FAM131A: variants seen among roughly 807,000 people sequenced by gnomAD.
The protein encoded by FAM131A is family with sequence similarity 131 member A.
In FAM131A, 24 loss-of-function variants were observed where a neutral mutation model predicts 39.2. The ratio of observed to expected loss-of-function variants is 0.61; its 90% CI spans 0.44 to 0.86. FAM131A has a LOEUF of 0.86. FAM131A is among the 40% of genes least tolerant of loss of function. FAM131A has a pLI of 0.00. For synonymous variants in FAM131A, 202 were observed against 206.8 expected (o/e 0.98, Z 0.20); for missense variants, 373 against 481.2 (o/e 0.78, Z 2.10).
rs762655437 is a variant in FAM131A at position 184,344,691 on chromosome 3, G to C, written c.822G>C (p.Gln274His). 1.8e-5 allele frequency: 29 copies of C among 1,612,290 alleles called. No homozygotes were observed. Among genetic ancestry groups the C allele is most frequent in the South Asian group, 4.4e-5 (4 of 91,016 alleles). ...LLGSPARLAS[Q>H]LLGDELLLAK... ...GCTCCCCGGCCCGGCTGGCCTCCCA[G>C]CTGCTGGGCGATGAGCTGCTTCTCG... Residue 274 changes from glutamine to histidine, a missense_variant, in exon 6 of 6, where the codon CAG (glutamine) becomes CAC (histidine). Gln to His is a conservative substitution (Grantham distance 24, BLOSUM62 0). Around this residue, in one of 2 missense-constraint regions of FAM131A, gnomAD observed 152 missense variants for 133.5 expected, o/e 1.14. Transcript: ENST00000383847.
In FAM131A at chr3:184,344,927, T is replaced by C. The variant is rs746829651; in HGVS notation, c.1058T>C (p.Val353Ala). Residue 353 changes from valine (V) to alanine (A), a missense_variant, in exon 6 of 6, where the codon GTG becomes GCG. Val to Ala is a moderately conservative substitution (Grantham distance 64). Transcript: ENST00000383847. ...RQASDLASSG[V>A]VSLDEDEAEP... ...GCCTCTGACCTGGCCTCTTCTGGGG[T>C]GGTGTCCTTAGATGAGGATGAGGCA... 14 of 1,601,118 alleles carry C rather than the reference T, an allele frequency of 8.7e-6. No individual in the cohort carries two copies. The highest frequency in any genetic ancestry group is 1.1e-5 in the Non-Finnish European group (13 of 1,177,776).
Position 184,344,930 on chromosome 3 carries a change from T to C in FAM131A, c.1061T>C (p.Val354Ala), listed in dbSNP as rs1577293615. 1 of 1,597,928 alleles carries C rather than the reference T, an allele frequency of 6.3e-7. No homozygotes were observed. ...TCTGACCTGGCCTCTTCTGGGGTGGTGTCCTTAGATGAGGATGAGGCAGAG... is the reference window on the plus strand; with the variant it reads ...TCTGACCTGGCCTCTTCTGGGGTGGCGTCCTTAGATGAGGATGAGGCAGAG... ...QASDLASSGV[V>A]SLDEDEAEPE... Residue 354 changes from valine (V) to alanine (A), a missense_variant, in exon 6 of 6, where the codon GTG becomes GCG. Coordinates refer to ENST00000383847, the MANE Select transcript of FAM131A (RefSeq NM_144635.5).
rs985630974 is a variant in FAM131A at position 184,345,740 on chromosome 3, G to T, written c.*770G>T. ...GTGTGCTGGCGCCTCACAGCCAGCCGGGCTGCCCATTCACGCAGAGCTCTC... is the reference window on the plus strand; with the variant it reads ...GTGTGCTGGCGCCTCACAGCCAGCCTGGCTGCCCATTCACGCAGAGCTCTC... On this transcript the variant is annotated 3_prime_UTR_variant, in exon 6 of 6. Coordinates refer to ENST00000383847, the MANE Select transcript of FAM131A (RefSeq NM_144635.5). 1 of 596,318 alleles carries T rather than the reference G, an allele frequency of 1.7e-6. No individual in the cohort carries two copies. Among genetic ancestry groups the T allele is most frequent in the Non-Finnish European group, 3.0e-6 (1 of 337,810 alleles). The allele number at this position is 596,318 out of a possible 1,614,324, so 36.9% of individuals were successfully genotyped here.
chr3:184,341,117 TTTG>T, intron 2 of FAM131A: 1 of 156,560 alleles, frequency 6.4e-6, no homozygotes, highest in South Asian at 1.9e-4. Context: ...GAGCAGGGAC[TTTG>T]CAGGTGGAAT....
At position 184,342,973 on chromosome 3, in the gene FAM131A, G is replaced by C. The variant is rs9682844; in HGVS notation, c.625+113G>C. ...CTTTGCAAGGGGAGGGAGAGGGACA[G>C]ACTCAGTCCAGGCAGGCCTGGACAC... On this transcript the variant is annotated intron_variant, in intron 5 of 5. Coordinates refer to ENST00000383847, the MANE Select transcript of FAM131A (RefSeq NM_144635.5). This position sits in a 1 kb window ranked among gnomAD's most constrained non-coding sequence, Gnocchi z 4.6. 6.5e-6 allele frequency: 6 copies of C among 925,504 alleles called. No individual in the cohort carries two copies. Among genetic ancestry groups the C allele is most frequent in the Non-Finnish European group, 1.0e-5 (6 of 579,940 alleles). 57.3% of individuals were successfully genotyped at this position (925,504 alleles called of 1,614,324 possible).
At position 184,342,614 on chromosome 3, in the gene FAM131A, TTTC is replaced by T. The variant is rs1727435405; in HGVS notation, c.509-127_509-125del. 2.4e-6 allele frequency: 2 copies of T among 820,306 alleles called. No homozygotes were observed. The highest frequency in any genetic ancestry group is 2.6e-5 in the Admixed American group (1 of 38,916). 50.8% of individuals were successfully genotyped at this position (820,306 alleles called of 1,614,324 possible). On this transcript the variant is annotated intron_variant, in intron 4 of 5. Transcript: ENST00000383847. This position sits in a 1 kb window ranked among gnomAD's most constrained non-coding sequence, Gnocchi z 4.6. ...AGCCACCACACCCGGCCAGGGCTGC[TTTC>T]TTATCTCCTCGGGTCTGACATGGGG...
At chr3:184,343,498 T>C (rs1342175845) in intron 5 of FAM131A, among the ~76,000 whole-genome samples, 1 of 152,240 alleles carries the variant, frequency 6.6e-6, no homozygotes, top group Non-Finnish European at 1.5e-5. Flanking sequence ...CTGTAGCTTC[T>C]GGGCTCAAGT....
chr3:184,337,970 A>G (rs1223854350), intron 1 of FAM131A, among the ~76,000 whole-genome samples: 13 of 152,150 alleles, frequency 8.5e-5, no homozygotes. Flanking sequence ...GGCGAGAGGA[A>G]AGAAGGCAGC....
rs755411212 is a variant in FAM131A at position 184,341,742 on chromosome 3, G to A, written c.250G>A (p.Val84Ile). 4 of 1,609,382 alleles carry A rather than the reference G, an allele frequency of 2.5e-6. No homozygotes were observed. Among genetic ancestry groups the A allele is most frequent in the East Asian group, 2.2e-5 (1 of 44,878 alleles). Residue 84 changes from valine (V) to isoleucine (I), a missense_variant, in exon 3 of 6, where the codon GTC becomes ATC. This residue lies in a region of FAM131A where 221 missense variants were observed against 347.7 expected (regional missense o/e 0.64). Transcript: ENST00000383847. ...ACCCAAGGTGAATGTTGGAGACACA[G>A]TCGCGATGCTGCCCAAGTCCCGGCG... The part of the protein sequence containing the change: ...DLPEVNVGDT[V>I]AMLPKSRRAL...
In FAM131A at chr3:184,338,379, C is replaced by A. The variant is rs1411931713; in HGVS notation, c.89-8C>A. ...GCACAGCTCAACAGCCTTTCCCCTT[C>A]CTCTCAGTGTCCTCGGACCCCGCTT... On this transcript the variant is annotated splice_region_variant and splice_polypyrimidine_tract_variant and intron_variant, in intron 1 of 5. Transcript: ENST00000383847. 1 of 1,432,874 alleles carries A rather than the reference C, an allele frequency of 7.0e-7. No individual in the cohort carries two copies. Among genetic ancestry groups the A allele is most frequent in the African/African-American group, 1.5e-5 (1 of 68,954 alleles). The allele number at this position is 1,432,874 out of a possible 1,614,324, so 88.8% of individuals were successfully genotyped here. A position where few individuals can be genotyped will look rare whatever the true frequency, so the allele number is the denominator to read the frequency against.
chr3:184,340,234 G>C (rs181612830), intron 2 of FAM131A: 1 of 148,808 alleles, frequency 6.7e-6, no homozygotes, highest in African/African-American at 2.5e-5. Context: ...GACCTCAGAT[G>C]ATCTACCCAC....
rs565303906 is a variant in FAM131A at position 184,343,378 on chromosome 3, C to G, written c.625+518C>G. Among the ~76,000 whole-genome samples, 29 of 152,326 alleles carry G rather than the reference C, an allele frequency of 1.9e-4. No individual in the cohort carries two copies. The South Asian group carries it at 6.0e-3, about 32-fold the overall frequency. On this transcript the variant is annotated intron_variant, in intron 5 of 5. Transcript: ENST00000383847. ...AACTCAGCATCCTTGCATTCCAGCC[C>G]GTGGGCCTTTCTCTGGGCCAGTGCT...
At position 184,345,105 on chromosome 3, in the gene FAM131A, T is replaced by C. The variant is rs922699349; in HGVS notation, c.*135T>C. The stretch of plus-strand genomic sequence containing the variant: ...GCTCCTGGGAGCGCTCGCTTCTCCG[T>C]TGTGTGTTTTGCATGAAAGTGTTTG... On this transcript the variant is annotated 3_prime_UTR_variant, in exon 6 of 6. Transcript: ENST00000383847. 6 of 838,424 alleles carry C rather than the reference T, an allele frequency of 7.2e-6. No homozygotes were observed. Among genetic ancestry groups the C allele is most frequent in the African/African-American group, 1.7e-5 (1 of 58,280 alleles). 51.9% of individuals were successfully genotyped at this position (838,424 alleles called of 1,614,324 possible). A position where few individuals can be genotyped will look rare whatever the true frequency, so the allele number is the denominator to read the frequency against.
rs751229762 is a variant in FAM131A at position 184,342,293 on chromosome 3, GCTTT to G, written c.508+54_508+57del. On this transcript the variant is annotated intron_variant, in intron 4 of 5. Transcript: ENST00000383847. This position sits in a 1 kb window ranked among gnomAD's most constrained non-coding sequence, Gnocchi z 4.6. Reference sequence around the variant, plus strand: ...TAAGCTACACTCTTGGCACAGGGCTGCTTTCTTTCTTTATTTTATTTAATTTTTT... The same window carrying G: ...TAAGCTACACTCTTGGCACAGGGCTGCTTTCTTTATTTTATTTAATTTTTT... The G allele has an allele frequency of 8.4e-5, 128 of 1,518,684 alleles. No homozygotes were observed. Among genetic ancestry groups the G allele is most frequent in the African/African-American group, 5.0e-4 (36 of 71,728 alleles). The allele number at this position is 1,518,684 out of a possible 1,614,324, so 94.1% of individuals were successfully genotyped here. A position where few individuals can be genotyped will look rare whatever the true frequency, so the allele number is the denominator to read the frequency against.
chr3:184,338,697 G>T, intron 2 of FAM131A, 168 bp downstream of exon 2: 1 of 813,442 alleles, frequency 1.2e-6, no homozygotes, highest in Non-Finnish European at 1.8e-6. Context: ...TGCTCTGCTC[G>T]GCGCTGTGCC....
At chr3:184,338,685 T>TAGGCCGC in intron 2 of FAM131A, 156 bp downstream of exon 2, 1 of 906,642 alleles carries the variant, frequency 1.1e-6, no homozygotes, top group African/African-American at 1.7e-5. Context: ...CCCGTGCCGG[T>TAGGCCGC]CTGCTCTGCT....
Position 184,346,187 on chromosome 3 carries a change from C to T in FAM131A, c.*1217C>T, listed in dbSNP as rs891380700. 2 of 203,734 alleles carry T rather than the reference C, an allele frequency of 9.8e-6. No homozygotes were observed. The highest frequency in any genetic ancestry group is 2.0e-5 in the Non-Finnish European group (2 of 98,542). 12.6% of individuals were successfully genotyped at this position (203,734 alleles called of 1,614,324 possible). On this transcript the variant is annotated 3_prime_UTR_variant, in exon 6 of 6. Coordinates refer to ENST00000383847, the MANE Select transcript of FAM131A (RefSeq NM_144635.5). The surrounding 1 kb of genome is among the most constrained non-coding windows in gnomAD (Gnocchi z 6.0). The stretch of plus-strand genomic sequence containing the variant: ...ACGAGAGCCAACGGGCACAAGCATT[C>T]TATATATAAGTGGCTCATTAGGTGT...
Position 184,342,343 on chromosome 3 carries a change from T to C in FAM131A, c.508+95T>C. On this transcript the variant is annotated intron_variant, in intron 4 of 5. Transcript: ENST00000383847. The surrounding 1 kb of genome is among the most constrained non-coding windows in gnomAD (Gnocchi z 4.6). ...TTTTTTTTGAGACGGAGTCTCACTC[T>C]GTCGCCCAGGCTGGAGTGCAGTGAT... 1 of 1,399,454 alleles carries C rather than the reference T, an allele frequency of 7.1e-7. No individual in the cohort carries two copies. Among genetic ancestry groups the C allele is most frequent in the South Asian group, 1.5e-5 (1 of 66,868 alleles). The allele number at this position is 1,399,454 out of a possible 1,614,324, so 86.7% of individuals were successfully genotyped here.
chr3:184,345,539 G>A lies in FAM131A; in HGVS notation c.*569G>A, dbSNP rs578039464. The A allele has an allele frequency of 1.1e-4, 80 of 703,036 alleles. No individual in the cohort carries two copies. Among genetic ancestry groups the A allele is most frequent in the Non-Finnish European group, 1.6e-4 (61 of 385,044 alleles). The allele number at this position is 703,036 out of a possible 1,614,324, so 43.5% of individuals were successfully genotyped here. On this transcript the variant is annotated 3_prime_UTR_variant, in exon 6 of 6. Coordinates refer to ENST00000383847, the MANE Select transcript of FAM131A (RefSeq NM_144635.5). ...GCTGTGCTTCATTCACCTCTCCATC[G>A]TCTCTAAATCTTCCTCTTTTTTCCT...
Sources: gnomAD v4.1 joint callset for allele counts (sites outside exome capture counted in the v4.1 genomes callset) on GRCh38, gnomAD v4.1.1 for gene constraint, gnomAD v4.1.1 regional missense constraint, Gnocchi (gnomAD v3.1) non-coding constraint, MANE v1.5 for transcripts, NCBI Gene and HGNC (gene_info 2026-07-23, HGNC 2026-07-21) for gene names.